The following RGS12 variants were observed in gnomAD, a reference collection of about 807,000 sequenced individuals.
RGS12 encodes the protein regulator of G protein signaling 12, also known as regulator of G-protein signaling 12.
Under a neutral mutation model 120.1 loss-of-function variants are expected in RGS12, and 66 were observed. The ratio of observed to expected loss-of-function variants is 0.55; its 90% CI spans 0.45 to 0.67. The LOEUF is 0.67. Ranked by LOEUF, RGS12 falls within the 30% of genes least tolerant of loss-of-function variation. RGS12 has a pLI of 0.00. For missense variants in RGS12, 1,859 were observed against 1,957.7 expected (o/e 0.95, Z 0.95); for synonymous variants, 827 against 804.7 (o/e 1.03, Z -0.47).
At chr4:3,295,676 A>G (rs1723341519) in intron 1 of RGS12, among the ~76,000 whole-genome samples, 1 of 151,602 alleles carries the variant, frequency 6.6e-6, no homozygotes, top group Non-Finnish European at 1.5e-5. Flanking sequence ...AAAAAAAAAA[A>G]AAAAAGCTCC....
At chr4:3,287,228 T>C in the RGS12 span, among the ~76,000 whole-genome samples, 5 of 152,216 alleles carry the variant, frequency 3.3e-5, no homozygotes, top group Non-Finnish European at 7.3e-5. Context: ...AAGAGCAACA[T>C]TTAAAACATT....
At chr4:3,327,722 A>G (rs965007698) in intron 2 of RGS12, among the ~76,000 whole-genome samples, 8 of 152,252 alleles carry the variant, frequency 5.3e-5, no homozygotes, top group African/African-American at 1.7e-4. Context: ...CCACAGTCAG[A>G]TATCATCTTA....
Position 3,433,818 on chromosome 4 carries a change from A to C in RGS12, c.4114+2863A>C, listed in dbSNP as rs531623992. Among the ~76,000 whole-genome samples, 3 of 152,124 alleles carry C rather than the reference A, an allele frequency of 2.0e-5. No individual in the cohort carries two copies. Among genetic ancestry groups the C allele is most frequent in the African/African-American group, 7.2e-5 (3 of 41,438 alleles). On this transcript the variant is annotated intron_variant, in intron 17 of 17. Coordinates refer to ENST00000336727, the MANE Select transcript of RGS12 (RefSeq NM_001394154.1). The surrounding 1 kb of genome is among the most constrained non-coding windows in gnomAD (Gnocchi z 4.4). ...CGCACCGAGACCGAGACCATGCACC[A>C]TGCAGGCTGGCCGGTGCCCCCATGC...
chr4:3,407,291 G>A (rs909121486), intron 4 of RGS12: 1 of 152,238 alleles, frequency 6.6e-6, no homozygotes, highest in Non-Finnish European at 1.5e-5. Flanking sequence ...GCAAGGCTTC[G>A]TGCGACGTCT....
intron 3 of RGS12, among the ~76,000 whole-genome samples, chr4:3,354,675 G>T (rs1385363442): frequency 6.6e-6 from 1 of 152,228 alleles, no homozygotes; most frequent in Non-Finnish European, 1.5e-5. Flanking sequence ...CACAATGGGA[G>T]CTAGAAAGCG....
intron 3 of RGS12, among the ~76,000 whole-genome samples, chr4:3,382,288 C>T (rs192163076): frequency 1.1e-4 from 16 of 152,242 alleles, no homozygotes; most frequent in South Asian, 2.1e-4. Context: ...AGAAAGGAAC[C>T]GCAAGGTGCC....
At chr4:3,394,307 T>G (rs1719832893) in intron 4 of RGS12, among the ~76,000 whole-genome samples, 1 of 152,142 alleles carries the variant, frequency 6.6e-6, no homozygotes, top group African/African-American at 2.4e-5. Context: ...GTATTGCAGA[T>G]GTACACCACC....
intron 3 of RGS12, among the ~76,000 whole-genome samples, chr4:3,369,665 G>A (rs1002795115): frequency 6.6e-6 from 1 of 152,230 alleles, no homozygotes; most frequent in African/African-American, 2.4e-5. Context: ...AGATGATTTT[G>A]CAGTGATCCC....
In RGS12 at chr4:3,408,102, G is replaced by A. The variant is rs147697104; in HGVS notation, c.2021-5970G>A. On this transcript the variant is annotated intron_variant, in intron 4 of 17. Transcript: ENST00000336727. ...GATCACAAGTGTGGGTTTGACTCAC[G>A]TGTTCAGCACCAGAGAATCAGGCAA... Among the ~76,000 whole-genome samples the A allele has an allele frequency of 4.6e-4, 70 of 152,322 alleles. 2 individuals are homozygous for A. Among genetic ancestry groups the A allele is most frequent in the African/African-American group, 1.3e-3 (56 of 41,576 alleles).
chr4:3,413,986 C>T, intron 4 of RGS12, 86 bp from the exon 5 acceptor site: 1 of 1,394,094 alleles, frequency 7.2e-7, no homozygotes, highest in Non-Finnish European at 9.6e-7. Context: ...TGCTGCGTGT[C>T]CCAGGGTCTC....
chr4:3,419,784 G>A (rs187157504), intron 9 of RGS12, among the ~76,000 whole-genome samples: 51 of 152,302 alleles, frequency 3.3e-4, no homozygotes, highest in African/African-American at 1.1e-3. Flanking sequence ...TTGTGCCACT[G>A]TACTCCAGCC....
At chr4:3,355,371 G>A (rs541621123) in intron 3 of RGS12, among the ~76,000 whole-genome samples, 6 of 152,222 alleles carry the variant, frequency 3.9e-5, no homozygotes, top group African/African-American at 7.2e-5. Flanking sequence ...AATTTAAATC[G>A]TTACCGGAAG....
At chr4:3,328,665 G>A (rs1725729852) in intron 2 of RGS12, among the ~76,000 whole-genome samples, 1 of 152,242 alleles carries the variant, frequency 6.6e-6, no homozygotes, top group Admixed American at 6.5e-5. Context: ...GGGATAGAGA[G>A]ATACAGGTAT....
chr4:3,285,913 A>G, the RGS12 span, among the ~76,000 whole-genome samples: 1 of 152,168 alleles, frequency 6.6e-6, no homozygotes, highest in African/African-American at 2.4e-5. Flanking sequence ...GTCACCCCTC[A>G]GCTTCGCCGT....
Position 3,316,623 on chromosome 4 carries a change from T to G in RGS12, c.453T>G (p.Phe151Leu). ...MQSGGIFNMIFENPSLCASNS... is the reference protein window; with the variant it reads ...MQSGGIFNMILENPSLCASNS... The stretch of plus-strand genomic sequence containing the variant: ...CTGGTGGAATTTTCAATATGATTTT[T>G]GAAAACCCGAGCCTTTGTGCGAGCA... Residue 151 changes from phenylalanine (F) to leucine (L), a missense_variant, in exon 2 of 18, where the codon TTT becomes TTG. Phe to Leu is a conservative substitution (Grantham distance 22, BLOSUM62 0). This residue lies in a region of RGS12 where 967 missense variants were observed against 994.2 expected (regional missense o/e 0.97). Transcript: ENST00000336727. 1 of 1,614,148 alleles carries G rather than the reference T, an allele frequency of 6.2e-7. No homozygotes were observed. The highest frequency in any genetic ancestry group is 8.5e-7 in the Non-Finnish European group (1 of 1,180,024).
rs1310433519 is a variant in RGS12, at chr4:3,389,429, G to T, written c.2020+2992G>T. ...GTTATTCAGACAGAAGTGTGAGGTC[G>T]AGCTGGAGGGAGATGGGGCGTTGTG... On this transcript the variant is annotated intron_variant, in intron 4 of 17. Transcript: ENST00000336727. This position sits in a 1 kb window ranked among gnomAD's most constrained non-coding sequence, Gnocchi z 5.2. Among the ~76,000 whole-genome samples the T allele has an allele frequency of 1.3e-5, 2 of 152,158 alleles. No homozygotes were observed. Among genetic ancestry groups the T allele is most frequent in the Non-Finnish European group, 2.9e-5 (2 of 68,020 alleles).
chr4:3,384,988 C>T (rs986377129), intron 3 of RGS12, among the ~76,000 whole-genome samples: 11 of 152,278 alleles, frequency 7.2e-5, no homozygotes, highest in South Asian at 2.1e-4. Context: ...GTGGGTGTAC[C>T]GCTCGTGTTA....
At position 3,414,797 on chromosome 4, in the gene RGS12, C is replaced by A. The variant is rs1722156649; in HGVS notation, c.2236C>A (p.Gln746Lys). 6.2e-7 allele frequency: 1 copy of A among 1,613,618 alleles called. No individual in the cohort carries two copies. The highest frequency in any genetic ancestry group is 1.1e-5 in the South Asian group (1 of 91,054). ...EFSEENILFW[Q>K]ACEYFNHVPA... ...CAGTGAAGAAAACATTTTATTCTGG[C>A]AGGCCTGTGAATATTTTAATCATGT... The change falls in exon 6 of 18, where the codon CAG becomes AAG. Residue 746 changes from glutamine to lysine, a missense_variant. This residue lies in a region of RGS12 where 375 missense variants were observed against 475.0 expected (regional missense o/e 0.79). Transcript: ENST00000336727.
At chr4:3,291,725 C>T (rs1241916256), upstream of RGS12, among the ~76,000 whole-genome samples, 2 of 152,080 alleles carry the variant, frequency 1.3e-5, no homozygotes, top group South Asian at 2.1e-4. Flanking sequence ...TGTTAAGTAT[C>T]TCTCTCTCTT....
Sources: gnomAD v4.1 joint callset for allele counts (sites outside exome capture counted in the v4.1 genomes callset) on GRCh38, gnomAD v4.1.1 for gene constraint, gnomAD v4.1.1 regional missense constraint, Gnocchi (gnomAD v3.1) non-coding constraint, MANE v1.5 for transcripts, NCBI Gene and HGNC (gene_info 2026-07-23, HGNC 2026-07-21) for gene names.